Variants in MACROD2 observed in about 807,000 individuals in gnomAD.
MACROD2 encodes ADP-ribose glycohydrolase MACROD2.
A neutral mutation model predicts 70.4 loss-of-function variants in MACROD2; 36 were observed. The ratio of observed to expected loss-of-function variants is 0.51; its 90% CI spans 0.39 to 0.68. The LOEUF is 0.68. Ranked by LOEUF, MACROD2 falls within the 30% of genes least tolerant of loss-of-function variation. The probability of loss-of-function intolerance (pLI) is 0.00; values close to 1 mark genes in which losing one functional copy is unlikely to be tolerated. For synonymous variants in MACROD2, 172 were observed against 178.8 expected (o/e 0.96, Z 0.30); for missense variants, 496 against 538.4 (o/e 0.92, Z 0.78).
chr20:14,210,554 AT>A (rs1048540792), intron 3 of MACROD2, among the ~76,000 whole-genome samples: 2 of 152,010 alleles, frequency 1.3e-5, no homozygotes, highest in African/African-American at 4.8e-5. Flanking sequence ...CCTGAGAAGA[AT>A]TTTTTTTACT....
chr20:14,942,730 C>A (rs553426912), intron 5 of MACROD2, among the ~76,000 whole-genome samples: 1 of 151,446 alleles, frequency 6.6e-6, no homozygotes, highest in Non-Finnish European at 1.5e-5. Context: ...GGCATGACTT[C>A]GGACTGAATG....
At chr20:14,940,604 T>C (rs1289945983) in intron 5 of MACROD2, among the ~76,000 whole-genome samples, 1 of 152,166 alleles carries the variant, frequency 6.6e-6, no homozygotes, top group African/African-American at 2.4e-5. Flanking sequence ...CATTTTATCA[T>C]AAAAGGATGT....
Position 15,332,609 on chromosome 20 carries a change from G to A in MACROD2, c.541-98796G>A, listed in dbSNP as rs6135391. ...TCTTACAGCCCCTTTGAAAGAGGCCGTTCCTACAGCCCCTTTGAAAGAGGC... is the reference window on the plus strand; with the variant it reads ...TCTTACAGCCCCTTTGAAAGAGGCCATTCCTACAGCCCCTTTGAAAGAGGC... On this transcript the variant is annotated intron_variant, in intron 6 of 17. Coordinates refer to ENST00000684519, the MANE Select transcript of MACROD2 (RefSeq NM_001351661.2). Among the ~76,000 whole-genome samples, 7 of 47,118 alleles carry A rather than the reference G, an allele frequency of 1.5e-4. No individual in the cohort carries two copies. In the South Asian group the frequency reaches 4.7e-3, roughly 31 times the overall value. 30.9% of individuals were successfully genotyped at this position (47,118 alleles called of 152,430 possible). A position where few individuals can be genotyped will look rare whatever the true frequency, so the allele number is the denominator to read the frequency against.
rs546696070 is a variant in MACROD2 at position 14,938,062 on chromosome 20, A to G, written c.418+253103A>G. Among the ~76,000 whole-genome samples, 13 of 149,060 alleles carry G rather than the reference A, an allele frequency of 8.7e-5. No individual in the cohort carries two copies. The East Asian group carries it at 2.4e-3, about 27-fold the overall frequency. On this transcript the variant is annotated intron_variant, in intron 5 of 17. Transcript: ENST00000684519. Reference sequence around the variant, plus strand: ...GGATGACTCATGTTCAATTGCATACATATACCATATTTTCTTTATCCAGTC... The same window carrying G: ...GGATGACTCATGTTCAATTGCATACGTATACCATATTTTCTTTATCCAGTC...
rs550746180 is a variant in MACROD2, at chr20:15,108,163, G to T, written c.419-121777G>T. 1.1e-3 allele frequency among the ~76,000 whole-genome samples: 161 copies of T among 152,190 alleles called. 1 individual carries two copies. The highest frequency in any genetic ancestry group is 1.9e-3 in the Non-Finnish European group (129 of 68,010). On this transcript the variant is annotated intron_variant, in intron 5 of 17. Coordinates refer to ENST00000684519, the MANE Select transcript of MACROD2 (RefSeq NM_001351661.2). Reference sequence around the variant, plus strand: ...CTGGGGTAAGTCACTTAACTTCCCAGTGTGCTTCCTGTTTCCATCTGATAA... The same window carrying T: ...CTGGGGTAAGTCACTTAACTTCCCATTGTGCTTCCTGTTTCCATCTGATAA...
intron 8 of MACROD2, among the ~76,000 whole-genome samples, chr20:15,638,215 A>C (rs74179781): frequency 0.085 from 12,924 of 152,216 alleles, 710 homozygotes; most frequent in Middle Eastern, 0.17. Flanking sequence ...AAGCATGGCA[A>C]CCTCGGGCTC....
chr20:15,157,412 G>T (rs887732907), intron 5 of MACROD2, among the ~76,000 whole-genome samples: 2 of 142,734 alleles, frequency 1.4e-5, no homozygotes, highest in Non-Finnish European at 3.0e-5. Flanking sequence ...ATCACATCAG[G>T]GGCTGGAGCT....
At chr20:15,183,661 C>T (rs987185095) in intron 5 of MACROD2, among the ~76,000 whole-genome samples, 3 of 152,158 alleles carry the variant, frequency 2.0e-5, no homozygotes, top group Admixed American at 2.0e-4. Flanking sequence ...GAGAGTAAAA[C>T]CTCCTGATGT....
At chr20:15,614,223 A>G (rs1373503394) in intron 8 of MACROD2, among the ~76,000 whole-genome samples, 1 of 152,186 alleles carries the variant, frequency 6.6e-6, no homozygotes, top group African/African-American at 2.4e-5. Context: ...GAAACACTCA[A>G]CAAATGGTAG....
intron 6 of MACROD2, among the ~76,000 whole-genome samples, chr20:15,243,706 G>A (rs1047570768): frequency 1.3e-5 from 2 of 152,026 alleles, no homozygotes; most frequent in East Asian, 1.9e-4. Context: ...ACGAGGTCAG[G>A]AGATCGAGAC....
chr20:15,749,054 T>G (rs1409812572), intron 8 of MACROD2, among the ~76,000 whole-genome samples: 2 of 152,116 alleles, frequency 1.3e-5, no homozygotes, highest in Non-Finnish European at 2.9e-5. Flanking sequence ...GCTCTTACCA[T>G]TATTATTTTC....
At chr20:15,898,781 A>C (rs1213617038) in intron 10 of MACROD2, among the ~76,000 whole-genome samples, 2 of 151,946 alleles carry the variant, frequency 1.3e-5, no homozygotes, top group Non-Finnish European at 2.9e-5. Context: ...GCACTTTATC[A>C]TTTCGGTTTC....
At chr20:15,382,398 TAAAC>T (rs1406786872) in intron 6 of MACROD2, among the ~76,000 whole-genome samples, 1 of 152,198 alleles carries the variant, frequency 6.6e-6, no homozygotes, top group Non-Finnish European at 1.5e-5. Flanking sequence ...GCCTTATGAT[TAAAC>T]TCTACAAATC....
chr20:15,937,744 TATATG>T (rs1029567922), intron 12 of MACROD2, among the ~76,000 whole-genome samples, 200 bp downstream of exon 12: 2 of 149,000 alleles, frequency 1.3e-5, no homozygotes, highest in Admixed American at 1.3e-4. Flanking sequence ...TATATATATA[TATATG>T]TGTGTATATA....
At chr20:14,100,637 T>A (rs910149423) in intron 3 of MACROD2, among the ~76,000 whole-genome samples, 1 of 141,268 alleles carries the variant, frequency 7.1e-6, no homozygotes, top group Non-Finnish European at 1.5e-5. Context: ...TATATATTTT[T>A]TTTATTTTAA....
chr20:14,198,833 A>T (rs1172580480), intron 3 of MACROD2, among the ~76,000 whole-genome samples: 2 of 152,168 alleles, frequency 1.3e-5, no homozygotes, highest in Non-Finnish European at 2.9e-5. Flanking sequence ...TTTGTAAATA[A>T]TCTAAATGAG....
intron 4 of MACROD2, chr20:14,621,875 G>A (rs1983847105): frequency 6.6e-6 from 1 of 151,992 alleles, no homozygotes; most frequent in African/African-American, 2.4e-5. Flanking sequence ...GAGCAATATT[G>A]ACTTTGATGC....
Position 14,358,993 on chromosome 20 carries a change from C to G in MACROD2, c.272-134486C>G, listed in dbSNP as rs371501126. 4.5e-4 allele frequency among the ~76,000 whole-genome samples: 69 copies of G among 152,078 alleles called. 1 individual carries two copies. The South Asian group carries it at 0.014, about 31-fold the overall frequency. ...CTTGAGCCCAGGAGTTCAAGACCAG[C>G]TTGGGCAACATAATGGGACCTCATC... On this transcript the variant is annotated intron_variant, in intron 3 of 17. Coordinates refer to ENST00000684519, the MANE Select transcript of MACROD2 (RefSeq NM_001351661.2).
intron 15 of MACROD2, among the ~76,000 whole-genome samples, chr20:16,007,410 A>G (rs1034291743): frequency 5.3e-5 from 8 of 152,206 alleles, no homozygotes; most frequent in African/African-American, 1.7e-4. Flanking sequence ...CCTTCACTTT[A>G]TAACAACATA....
Sources: gnomAD v4.1 joint callset for allele counts (sites outside exome capture counted in the v4.1 genomes callset) on GRCh38, gnomAD v4.1.1 for gene constraint, MANE v1.5 for transcripts, NCBI Gene and HGNC (gene_info 2026-07-23, HGNC 2026-07-21) for gene names.